Variants in ATAD2B observed in about 807,000 individuals in gnomAD.
ATAD2B encodes ATPase family AAA domain-containing protein 2B.
A neutral mutation model predicts 167.6 loss-of-function variants in ATAD2B; 40 were observed. That is an observed-to-expected ratio of 0.24 (90% confidence interval 0.19 to 0.31). ATAD2B has a LOEUF of 0.31. ATAD2B is among the 10% of genes least tolerant of loss of function. The pLI, the probability that ATAD2B is intolerant of heterozygous loss-of-function variation, is 1.00. For synonymous variants in ATAD2B, 579 were observed against 596.5 expected (o/e 0.97, Z 0.43); for missense variants, 1,242 against 1,757.2 (o/e 0.71, Z 5.24).
intron 13 of ATAD2B, among the ~76,000 whole-genome samples, chr2:23,853,830 G>C (rs938598239): frequency 6.6e-6 from 1 of 152,162 alleles, no homozygotes; most frequent in Non-Finnish European, 1.5e-5. Flanking sequence ...TAGATCAATG[G>C]AATCAACTAA....
chr2:23,867,743 G>A (rs1168825296), intron 10 of ATAD2B, 92 bp downstream of exon 10: 4 of 879,326 alleles, frequency 4.5e-6, no homozygotes, highest in Admixed American at 2.3e-5. Flanking sequence ...TGTCATATCC[G>A]AATTTTCTAG....
intron 12 of ATAD2B, among the ~76,000 whole-genome samples, chr2:23,860,483 A>C (rs905849219): frequency 6.6e-6 from 1 of 152,212 alleles, no homozygotes; most frequent in African/African-American, 2.4e-5. Flanking sequence ...ATCTGATTTA[A>C]GATGAATGAA....
chr2:23,882,253 G>A (rs1008873888), intron 6 of ATAD2B, among the ~76,000 whole-genome samples: 2 of 151,536 alleles, frequency 1.3e-5, no homozygotes, highest in African/African-American at 4.8e-5. Flanking sequence ...CCAGGCTGGA[G>A]TGCATGATCT....
At chr2:23,800,551 G>C (rs1268546137) in intron 18 of ATAD2B, among the ~76,000 whole-genome samples, 1 of 152,088 alleles carries the variant, frequency 6.6e-6, no homozygotes, top group Non-Finnish European at 1.5e-5. Flanking sequence ...ATCATCACCA[G>C]CTCTAAGAGT....
chr2:23,760,645 C>CAG (rs959604424), intron 24 of ATAD2B, among the ~76,000 whole-genome samples: 1 of 143,362 alleles, frequency 7.0e-6, no homozygotes, highest in African/African-American at 2.6e-5. Flanking sequence ...GCCTGGGCAA[C>CAG]AGAGAGAGAC....
At chr2:23,705,093 G>A in the ATAD2B span, among the ~76,000 whole-genome samples, 1 of 152,224 alleles carries the variant, frequency 6.6e-6, no homozygotes, top group East Asian at 1.9e-4. Context: ...TACCCTAATG[G>A]TGGCAGTGTG....
Position 23,880,144 on chromosome 2 carries a change from A to T in ATAD2B, c.901+495T>A, listed in dbSNP as rs924805852. Among the ~76,000 whole-genome samples the T allele has an allele frequency of 2.6e-5, 4 of 152,162 alleles. No homozygotes were observed. The South Asian group carries it at 8.3e-4, about 31-fold the overall frequency. On this transcript the variant is annotated intron_variant, in intron 7 of 27. Transcript: ENST00000238789. Reference sequence around the variant, plus strand: ...AAGTGCTCAGTAAACTATACAGTGTAATGCAAAAGCATGAGCCATATTATT... The same window carrying T: ...AAGTGCTCAGTAAACTATACAGTGTTATGCAAAAGCATGAGCCATATTATT...
intron 10 of ATAD2B, among the ~76,000 whole-genome samples, chr2:23,866,655 A>C (rs972527793): frequency 3.9e-5 from 6 of 152,226 alleles, no homozygotes; most frequent in African/African-American, 1.4e-4. Flanking sequence ...TTCTGCTCAT[A>C]TGCAATACTC....
At chr2:23,768,365 G>GTC (rs539318930) in intron 22 of ATAD2B, among the ~76,000 whole-genome samples, 136 of 148,014 alleles carry the variant, frequency 9.2e-4, no homozygotes, top group Middle Eastern at 7.0e-3. Flanking sequence ...GAGCCACCGT[G>GTC]TCTCCACTCT....
the ATAD2B span, among the ~76,000 whole-genome samples, chr2:23,698,169 A>G: frequency 6.6e-6 from 1 of 152,180 alleles, no homozygotes; most frequent in South Asian, 2.1e-4. Flanking sequence ...TGGCTGTGAA[A>G]GTTCAGCATG....
intron 16 of ATAD2B, among the ~76,000 whole-genome samples, chr2:23,822,642 G>A (rs895090945): frequency 9.2e-5 from 14 of 152,034 alleles, no homozygotes; most frequent in South Asian, 6.2e-4. Flanking sequence ...CAGGCCGGGC[G>A]GGGTGGCTCA....
intron 13 of ATAD2B, among the ~76,000 whole-genome samples, chr2:23,839,866 C>G (rs1482677391): frequency 6.6e-6 from 1 of 152,100 alleles, no homozygotes. Context: ...CCTTAGTTCT[C>G]CACCCATACT....
chr2:23,738,119 C>T, the ATAD2B span, among the ~76,000 whole-genome samples: 220 of 152,320 alleles, frequency 1.4e-3, 2 homozygotes, highest in East Asian at 0.013. Flanking sequence ...AGTTGGAAAA[C>T]ACTCTGTAGG....
At chr2:23,693,213 A>G in the ATAD2B span, 2 of 1,502,436 alleles carry the variant, frequency 1.3e-6, no homozygotes, top group Non-Finnish European at 1.8e-6. Flanking sequence ...CAATGGGAAC[A>G]GGTGGCAACT....
chr2:23,794,650 ATAC>A (rs570617940), intron 19 of ATAD2B, among the ~76,000 whole-genome samples: 3 of 152,138 alleles, frequency 2.0e-5, no homozygotes, highest in South Asian at 2.1e-4. Flanking sequence ...TTTTGCTAAT[ATAC>A]TACTTGGAAA....
intron 19 of ATAD2B, among the ~76,000 whole-genome samples, chr2:23,789,141 A>C (rs138217944): frequency 1.8e-3 from 273 of 152,198 alleles, no homozygotes; most frequent in Non-Finnish European, 3.1e-3. Context: ...ACTGCAAAGA[A>C]ACTATACCTC....
intron 18 of ATAD2B, among the ~76,000 whole-genome samples, chr2:23,808,631 C>T (rs537050837): frequency 2.6e-5 from 4 of 152,190 alleles, no homozygotes; most frequent in Admixed American, 6.5e-5. Context: ...TATTGTCTTA[C>T]ATCATTTTTT....
the ATAD2B span, among the ~76,000 whole-genome samples, chr2:23,741,333 T>C: frequency 6.6e-6 from 1 of 152,182 alleles, no homozygotes; most frequent in African/African-American, 2.4e-5. Context: ...CAAAACAGCA[T>C]GGTACTGGTA....
chr2:23,713,685 G>A, the ATAD2B span, among the ~76,000 whole-genome samples: 1,011 of 152,072 alleles, frequency 6.6e-3, 7 homozygotes, highest in Non-Finnish European at 0.011. Context: ...TTGTGTTTCC[G>A]GCTTCTTTCA....
Sources: gnomAD v4.1 joint callset for allele counts (sites outside exome capture counted in the v4.1 genomes callset) on GRCh38, gnomAD v4.1.1 for gene constraint, MANE v1.5 for transcripts, NCBI Gene and HGNC (gene_info 2026-07-23, HGNC 2026-07-21) for gene names.